The following RNF168 variants were observed in gnomAD, a reference collection of about 807,000 sequenced individuals.
RNF168 encodes the protein ring finger protein 168, also known as E3 ubiquitin-protein ligase RNF168.
Under a neutral mutation model 34.9 loss-of-function variants are expected in RNF168, and 34 were observed. The ratio of observed to expected loss-of-function variants is 0.97; its 90% confidence interval spans 0.74 to 1.30. The LOEUF (loss-of-function observed/expected upper bound fraction) is 1.30. RNF168 is among the 50% of genes most tolerant of loss of function. RNF168 has a pLI of 0.00. For missense variants in RNF168, 725 were observed against 682.5 expected (o/e 1.06, Z -0.69); for synonymous variants, 264 against 254.7 (o/e 1.04, Z -0.35).
At chr3:196,478,914 C>T (rs1020609502) in intron 4 of RNF168, among the ~76,000 whole-genome samples, 3 of 149,814 alleles carry the variant, frequency 2.0e-5, no homozygotes, top group African/African-American at 7.5e-5. Context: ...GACAGGACAG[C>T]CAGGCTGGTC....
At chr3:196,501,964 T>C (rs992591525) in intron 1 of RNF168, among the ~76,000 whole-genome samples, 2 of 150,496 alleles carry the variant, frequency 1.3e-5, no homozygotes, top group Non-Finnish European at 3.0e-5. Flanking sequence ...TAACTATTGT[T>C]TAAAAATGTT....
chr3:196,484,247 TG>T (rs1732368439), intron 3 of RNF168, among the ~76,000 whole-genome samples: 1 of 146,038 alleles, frequency 6.8e-6, no homozygotes, highest in Non-Finnish European at 1.5e-5. Context: ...CTCGGCTCAC[TG>T]CAAGCTCCAC....
chr3:196,476,888 C>A (rs1732162903), intron 4 of RNF168, among the ~76,000 whole-genome samples: 1 of 151,970 alleles, frequency 6.6e-6, no homozygotes, highest in African/African-American at 2.4e-5. Context: ...GCTGGGACTA[C>A]AGGCACACGC....
chr3:196,500,480 CG>C (rs1332338020), intron 1 of RNF168, among the ~76,000 whole-genome samples: 2 of 151,980 alleles, frequency 1.3e-5, no homozygotes, highest in Non-Finnish European at 2.9e-5. Context: ...GAAAGGAGAA[CG>C]GTGGTTGCCA....
chr3:196,488,832 TATTTATTTATTTTAG>T (rs1732520747), intron 1 of RNF168, 149 bp from the exon 2 acceptor site: 4 of 413,622 alleles, frequency 9.7e-6, no homozygotes, highest in Admixed American at 4.2e-5. Context: ...ACATTTATTT[TATTTATTTATTTTAG>T]ATTTATTTTA....
In RNF168 at chr3:196,480,726, G is replaced by A. The variant is rs542547921; in HGVS notation, c.680+3044C>T. On this transcript the variant is annotated intron_variant, in intron 4 of 5. Transcript: ENST00000318037. ...GGTAAAATCACAGCTCACTGCAGCC[G>A]TAACCTCCCAGGCTCAAGTGATCCT... 8.5e-5 allele frequency among the ~76,000 whole-genome samples: 13 copies of A among 152,212 alleles called. No homozygotes were observed. The South Asian group carries it at 1.2e-3, about 15-fold the overall frequency.
intron 3 of RNF168, 75 bp from the exon 4 acceptor site, chr3:196,483,966 A>G: frequency 8.9e-7 from 1 of 1,122,110 alleles, no homozygotes; most frequent in Non-Finnish European, 1.4e-6. Flanking sequence ...AATTTGACTA[A>G]TTCAGAAATC....
intron 4 of RNF168, among the ~76,000 whole-genome samples, chr3:196,481,834 T>C (rs1401069450): frequency 6.6e-6 from 1 of 151,756 alleles, no homozygotes; most frequent in Non-Finnish European, 1.5e-5. Context: ...TTTTATTTTG[T>C]GTAGAGACAG....
rs748319537 is a variant in RNF168, at chr3:196,503,185, A to T, written c.-12T>A. On this transcript the variant is annotated 5_prime_UTR_variant, in exon 1 of 6. Transcript: ENST00000318037. ...TTGGGTAGAGCCATTTCAATATGTT[A>T]GTAAAGCCGACTAAACAACGACACC... 1.9e-6 allele frequency: 3 copies of T among 1,613,122 alleles called. No individual in the cohort carries two copies. The highest frequency in any genetic ancestry group is 2.5e-6 in the Non-Finnish European group (3 of 1,179,152).
chr3:196,502,618 C>T (rs1459578554), intron 1 of RNF168, among the ~76,000 whole-genome samples: 7 of 151,226 alleles, frequency 4.6e-5, no homozygotes, highest in Non-Finnish European at 1.0e-4. Flanking sequence ...TCCAGACGGG[C>T]AATTCTTTAA....
intron 1 of RNF168, among the ~76,000 whole-genome samples, chr3:196,498,743 C>G (rs975085479): frequency 4.6e-5 from 7 of 152,048 alleles, no homozygotes; most frequent in African/African-American, 1.4e-4. Context: ...GCCTGTAATC[C>G]CAGCACTTTG....
Position 196,500,640 on chromosome 3 carries a change from T to C in RNF168, c.301+2233A>G, listed in dbSNP as rs1270499485. ...ACTGAACCATACAATTACAAACGGT[T>C]AAAATTTTCCTCCCTTCTTTCTAGT... On this transcript the variant is annotated intron_variant, in intron 1 of 5. Coordinates refer to ENST00000318037, the MANE Select transcript of RNF168 (RefSeq NM_152617.4). Among the ~76,000 whole-genome samples the C allele has an allele frequency of 3.3e-5, 5 of 152,206 alleles. No individual in the cohort carries two copies. The South Asian group carries it at 1.0e-3, about 31-fold the overall frequency.
intron 5 of RNF168, 115 bp downstream of exon 5, chr3:196,475,116 C>T: frequency 1.4e-6 from 1 of 709,162 alleles, no homozygotes; most frequent in Non-Finnish European, 2.6e-6. Flanking sequence ...AGGACTCAGA[C>T]AGGGTGTTTG....
chr3:196,502,688 C>G (rs1034306810), intron 1 of RNF168, among the ~76,000 whole-genome samples, 185 bp downstream of exon 1: 5 of 152,114 alleles, frequency 3.3e-5, no homozygotes, highest in Non-Finnish European at 4.4e-5. Flanking sequence ...TGGACAAAAT[C>G]TTGCCCTTGA....
At chr3:196,487,194 A>G (rs1732450532) in intron 3 of RNF168, among the ~76,000 whole-genome samples, 1 of 152,250 alleles carries the variant, frequency 6.6e-6, no homozygotes, top group Non-Finnish European at 1.5e-5. Flanking sequence ...TGAAAACCAC[A>G]GTCAAAGCAA....
At chr3:196,485,829 T>C (rs919697088) in intron 3 of RNF168, among the ~76,000 whole-genome samples, 2 of 152,186 alleles carry the variant, frequency 1.3e-5, no homozygotes, top group African/African-American at 4.8e-5. Context: ...GGTAAGTGTA[T>C]GTTAAGATAT....
intron 4 of RNF168, 180 bp from the exon 5 acceptor site, chr3:196,475,492 A>C: frequency 1.7e-6 from 1 of 582,490 alleles, no homozygotes; most frequent in East Asian, 3.0e-5. Flanking sequence ...TAAATGATTG[A>C]GTATTGATAT....
rs1290861022 is a variant in RNF168 at position 196,472,499 on chromosome 3, T to A, written c.1036A>T (p.Met346Leu). Residue 346 changes from methionine to leucine, a missense_variant, in exon 6 of 6, where the codon ATG (methionine) becomes TTG (leucine). Coordinates refer to ENST00000318037, the MANE Select transcript of RNF168 (RefSeq NM_152617.4). ...RVPYSKETAV[M>L]PCGRTESGCA... Reference sequence around the variant, plus strand: ...CCACTTTCTGTTCTGCCACAAGGCATAACTGCAGTTTCTTTCGAGTAGGGA... The same window carrying A: ...CCACTTTCTGTTCTGCCACAAGGCAAAACTGCAGTTTCTTTCGAGTAGGGA... 1 of 1,614,262 alleles carries A rather than the reference T, an allele frequency of 6.2e-7. No homozygotes were observed. Among genetic ancestry groups the A allele is most frequent in the Non-Finnish European group, 8.5e-7 (1 of 1,180,052 alleles).
intron 1 of RNF168, among the ~76,000 whole-genome samples, chr3:196,499,784 C>T (rs1732834569): frequency 2.0e-5 from 3 of 152,102 alleles, no homozygotes; most frequent in Admixed American, 1.3e-4. Flanking sequence ...AAAGTTGTGG[C>T]TTTTTCTGGG....
Sources: gnomAD v4.1 joint callset for allele counts (sites outside exome capture counted in the v4.1 genomes callset) on GRCh38, gnomAD v4.1.1 for gene constraint, MANE v1.5 for transcripts, NCBI Gene and HGNC (gene_info 2026-07-23, HGNC 2026-07-21) for gene names.